Variants in MBNL2 observed in about 807,000 individuals in gnomAD.
MBNL2 encodes muscleblind-like protein 2.
A neutral mutation model predicts 41.9 loss-of-function variants in MBNL2; 17 were observed. The observed-to-expected ratio is 0.41, with a 90% CI of 0.28 to 0.61. MBNL2 has a LOEUF of 0.61. MBNL2 is among the 20% of genes least tolerant of loss of function. The pLI, the probability that MBNL2 is intolerant of heterozygous loss-of-function variation, is 0.35. For synonymous variants in MBNL2, 195 were observed against 182.9 expected (o/e 1.07, Z -0.53); for missense variants, 336 against 505.6 (o/e 0.66, Z 3.22).
At chr13:97,148,958 G>A in the MBNL2 span, among the ~76,000 whole-genome samples, 1 of 152,200 alleles carries the variant, frequency 6.6e-6, no homozygotes, top group African/African-American at 2.4e-5. Context: ...TCACAAAAAT[G>A]CCTAGACAGG....
At chr13:97,248,430 C>T (rs947297890) in intron 1 of MBNL2, among the ~76,000 whole-genome samples, 8 of 152,326 alleles carry the variant, frequency 5.3e-5, no homozygotes, top group Admixed American at 6.5e-5. Flanking sequence ...CCACCGCACC[C>T]GGGGCCCCAT....
intron 2 of MBNL2, among the ~76,000 whole-genome samples, chr13:97,312,696 C>A (rs974762220): frequency 6.6e-6 from 1 of 152,180 alleles, no homozygotes; most frequent in East Asian, 1.9e-4. Context: ...AACTTAGATT[C>A]ATTTTATTAC....
intron 1 of MBNL2, among the ~76,000 whole-genome samples, chr13:97,251,261 A>C (rs1018341959): frequency 5.3e-5 from 8 of 151,540 alleles, no homozygotes; most frequent in African/African-American, 1.9e-4. Flanking sequence ...GTATAATTCG[A>C]ATGTTTGTAA....
chr13:97,217,125 A>AT (rs2040447178), upstream of MBNL2, among the ~76,000 whole-genome samples: 1 of 148,942 alleles, frequency 6.7e-6, no homozygotes, highest in South Asian at 2.1e-4. Flanking sequence ...TGCATATAAT[A>AT]TATAGTACAC....
At chr13:97,365,212 C>T in intron 8 of MBNL2, 41 bp downstream of exon 8, 1 of 1,247,140 alleles carries the variant, frequency 8.0e-7, no homozygotes, top group Non-Finnish European at 1.2e-6. Context: ...ATATGATGTA[C>T]AATACCTTCA....
At chr13:97,273,041 A>G (rs1037899134) in intron 1 of MBNL2, among the ~76,000 whole-genome samples, 8 of 152,250 alleles carry the variant, frequency 5.3e-5, no homozygotes, top group African/African-American at 1.9e-4. Flanking sequence ...TAGCTCCTGG[A>G]GAACTTTTAG....
chr13:97,263,133 A>G lies in MBNL2; in HGVS notation c.-604-12499A>G, dbSNP rs139153404. Among the ~76,000 whole-genome samples, 374 of 152,102 alleles carry G rather than the reference A, an allele frequency of 2.5e-3. 3 individuals are homozygous for G. Among genetic ancestry groups the G allele is most frequent in the African/African-American group, 8.1e-3 (337 of 41,492 alleles). ...CTATTTCCTACACGCCTCATTCCCA[A>G]TCCCCAAAGATGAATTTGCTTCTAA... On this transcript the variant is annotated intron_variant, in intron 1 of 8. Coordinates refer to ENST00000679496, the MANE Select transcript of MBNL2 (RefSeq NM_001382683.1).
the MBNL2 span, among the ~76,000 whole-genome samples, chr13:97,154,634 G>A: frequency 2.0e-5 from 3 of 152,102 alleles, no homozygotes; most frequent in African/African-American, 7.2e-5. Context: ...TTAGCAACAG[G>A]AGTACAAAAG....
At chr13:97,181,359 C>T in the MBNL2 span, among the ~76,000 whole-genome samples, 3 of 152,046 alleles carry the variant, frequency 2.0e-5, no homozygotes, top group Non-Finnish European at 4.4e-5. Context: ...TGTAGGGACA[C>T]GACTCTGTAA....
In MBNL2 at chr13:97,276,146, G is replaced by A. The variant is rs1387791123; in HGVS notation, c.-90G>A. 5.2e-6 allele frequency: 5 copies of A among 965,732 alleles called. No homozygotes were observed. Among genetic ancestry groups the A allele is most frequent in the Non-Finnish European group, 8.1e-6 (5 of 619,426 alleles). The allele number at this position is 965,732 out of a possible 1,614,324, so 59.8% of individuals were successfully genotyped here. On this transcript the variant is annotated 5_prime_UTR_variant, in exon 2 of 9. Transcript: ENST00000679496. ...CACTCACCTTCAGACTTACATGTGGGAGTTTTCACAACAGTAGTTTTGGAA... is the reference window on the plus strand; with the variant it reads ...CACTCACCTTCAGACTTACATGTGGAAGTTTTCACAACAGTAGTTTTGGAA...
the MBNL2 span, among the ~76,000 whole-genome samples, chr13:97,177,417 A>G: frequency 6.6e-6 from 1 of 152,208 alleles, no homozygotes. Context: ...AGAACTCTTG[A>G]TGAGGAATTA....
intron 2 of MBNL2, among the ~76,000 whole-genome samples, chr13:97,290,434 T>C (rs549619291): frequency 1.4e-3 from 212 of 150,036 alleles, no homozygotes; most frequent in Non-Finnish European, 2.6e-3. Flanking sequence ...CCCAGCACTT[T>C]GGGAGGTCGA....
chr13:97,343,829 G>T (rs545920905), intron 4 of MBNL2, among the ~76,000 whole-genome samples: 30 of 152,264 alleles, frequency 2.0e-4, no homozygotes, highest in African/African-American at 7.2e-4. Flanking sequence ...GTTTTGAGAC[G>T]TAGTTTCGCT....
the MBNL2 span, among the ~76,000 whole-genome samples, chr13:97,146,200 A>C: frequency 1.3e-5 from 2 of 148,544 alleles, no homozygotes; most frequent in Non-Finnish European, 3.0e-5. Flanking sequence ...ATGGGGTTTC[A>C]CCATGTTGGC....
At chr13:97,336,624 A>G (rs2060906587) in intron 3 of MBNL2, among the ~76,000 whole-genome samples, 1 of 152,188 alleles carries the variant, frequency 6.6e-6, no homozygotes, top group African/African-American at 2.4e-5. Context: ...AGAAGATGGA[A>G]GAGTCAAGAA....
At chr13:97,329,432 A>G (rs2060181594) in intron 2 of MBNL2, among the ~76,000 whole-genome samples, 1 of 152,082 alleles carries the variant, frequency 6.6e-6, no homozygotes, top group Non-Finnish European at 1.5e-5. Flanking sequence ...CAACAGCAGG[A>G]ACTTCATACC....
intron 1 of MBNL2, among the ~76,000 whole-genome samples, chr13:97,274,970 T>C (rs969258349): frequency 1.3e-5 from 2 of 152,180 alleles, no homozygotes; most frequent in African/African-American, 4.8e-5. Context: ...AAATATTTCT[T>C]GAGGGTCTAA....
At chr13:97,256,465 C>G (rs1021452472) in intron 1 of MBNL2, among the ~76,000 whole-genome samples, 1 of 152,044 alleles carries the variant, frequency 6.6e-6, no homozygotes, top group African/African-American at 2.4e-5. Flanking sequence ...GTAAAGAACT[C>G]ATAGTCAGAC....
chr13:97,200,781 G>T, the MBNL2 span, among the ~76,000 whole-genome samples: 5 of 152,126 alleles, frequency 3.3e-5, no homozygotes, highest in Admixed American at 3.3e-4. Context: ...TTGCATTGTC[G>T]TGGGCTAAGG....
Sources: allele counts gnomAD v4.1 joint callset (sites outside exome capture counted in the v4.1 genomes callset), GRCh38; gene constraint gnomAD v4.1.1; transcripts MANE v1.5; gene names NCBI Gene and HGNC (gene_info 2026-07-23, HGNC 2026-07-21).